Variants in EIF4G3 observed in about 807,000 individuals in gnomAD.
EIF4G3 encodes the protein eIF-4-gamma 3.
EIF4G3 carries 34 observed loss-of-function variants against 186.4 expected under a neutral mutation model. The ratio of observed to expected loss-of-function variants is 0.18; its 90% CI spans 0.14 to 0.24. EIF4G3 has a LOEUF of 0.24. Among genes scored for constraint, EIF4G3 ranks in the 10% least tolerant of loss-of-function variants. The pLI is 1.00. For missense variants in EIF4G3, 1,536 were observed against 1,948.5 expected, an observed-to-expected ratio of 0.79 and a Z score of 3.99; for synonymous variants, 673 against 679.5, an observed-to-expected ratio of 0.99 and a Z score of 0.15.
rs776075468 is a variant in EIF4G3, at chr1:20,942,345, A to G, written c.824-15T>C. ...TGGCTTCTCCTCTGGGGAAAAAAAAATAAGTTTTAAGAATAATTCTTGGAT... is the reference window on the plus strand; with the variant it reads ...TGGCTTCTCCTCTGGGGAAAAAAAAGTAAGTTTTAAGAATAATTCTTGGAT... On this transcript the variant is annotated splice_polypyrimidine_tract_variant and intron_variant, in intron 13 of 36. Coordinates refer to ENST00000602326, the MANE Select transcript of EIF4G3 (RefSeq NM_001391906.1). 8.5e-6 allele frequency: 13 copies of G among 1,537,270 alleles called. No individual in the cohort carries two copies. The highest frequency in any genetic ancestry group is 1.4e-5 in the African/African-American group (1 of 72,074).
chr1:21,093,091 T>C (rs1249665496), intron 2 of EIF4G3, among the ~76,000 whole-genome samples: 3 of 152,008 alleles, frequency 2.0e-5, no homozygotes, highest in Non-Finnish European at 4.4e-5. Context: ...AAAGACAAAA[T>C]TGACAAATGG....
intron 27 of EIF4G3, 112 bp from the exon 28 acceptor site, chr1:20,851,590 A>G (rs1475528043): frequency 1.1e-6 from 1 of 940,858 alleles, no homozygotes; most frequent in Non-Finnish European, 1.6e-6. Flanking sequence ...TTTTTCACAG[A>G]TAACATTAGA....
chr1:20,880,517 A>C (rs903931301), intron 19 of EIF4G3, among the ~76,000 whole-genome samples: 8 of 152,168 alleles, frequency 5.3e-5, no homozygotes, highest in African/African-American at 1.9e-4. Flanking sequence ...TGGGAGACCG[A>C]GGTTGGGTGG....
At chr1:20,882,047 T>C (rs1408144106) in intron 19 of EIF4G3, among the ~76,000 whole-genome samples, 3 of 151,826 alleles carry the variant, frequency 2.0e-5, no homozygotes, top group Admixed American at 1.3e-4. Context: ...CCTGTAGTCC[T>C]AGCTACTTGT....
chr1:20,867,012 A>G (rs2077705486), intron 20 of EIF4G3, among the ~76,000 whole-genome samples: 1 of 152,234 alleles, frequency 6.6e-6, no homozygotes, highest in Admixed American at 6.5e-5. Context: ...AGGACAACAA[A>G]CAATATGAAA....
intron 3 of EIF4G3, among the ~76,000 whole-genome samples, chr1:21,057,658 T>A (rs1395189577): frequency 6.6e-6 from 1 of 152,182 alleles, no homozygotes. Context: ...TGTACTTATA[T>A]GAACGTGTAT....
At chr1:21,163,606 G>A (rs2097800014) in intron 2 of EIF4G3, among the ~76,000 whole-genome samples, 1 of 152,184 alleles carries the variant, frequency 6.6e-6, no homozygotes, top group Non-Finnish European at 1.5e-5. Context: ...TTAAGCAACT[G>A]AAGAGTTTTT....
At chr1:20,855,305 A>G (rs2074555300) in intron 25 of EIF4G3, among the ~76,000 whole-genome samples, 1 of 152,204 alleles carries the variant, frequency 6.6e-6, no homozygotes, top group Non-Finnish European at 1.5e-5. Flanking sequence ...GGTCTAGAGA[A>G]TGCATCCAGG....
intron 36 of EIF4G3, among the ~76,000 whole-genome samples, chr1:20,808,803 T>C (rs905538865): frequency 6.6e-6 from 1 of 152,198 alleles, no homozygotes; most frequent in African/African-American, 2.4e-5. Context: ...ATCCGTGTGA[T>C]TTTAATTCTC....
intron 2 of EIF4G3, among the ~76,000 whole-genome samples, chr1:21,137,603 G>GT (rs1311311499): frequency 6.6e-6 from 1 of 152,046 alleles, no homozygotes; most frequent in Non-Finnish European, 1.5e-5. Flanking sequence ...GAGCCTTGGA[G>GT]TTTGAGACCA....
chr1:21,146,732 G>A (rs2097450044), intron 2 of EIF4G3, among the ~76,000 whole-genome samples: 1 of 151,878 alleles, frequency 6.6e-6, no homozygotes, highest in Non-Finnish European at 1.5e-5. Flanking sequence ...ACTCCCGCCT[G>A]GACAACAAGA....
Position 20,941,939 on chromosome 1 carries a change from C to T in EIF4G3, c.1215G>A (p.Leu405=), listed in dbSNP as rs571352014. 8.7e-6 allele frequency: 14 copies of T among 1,614,066 alleles called. No homozygotes were observed. In the East Asian group the frequency reaches 2.9e-4, roughly 33 times the overall value. Reference sequence around the variant, plus strand: ...CATTAATTAGGTTAGTACTAGAAACCAGTGGAATATCATTAGGTGCTACAC... The same window carrying T: ...CATTAATTAGGTTAGTACTAGAAACTAGTGGAATATCATTAGGTGCTACAC... ...PCSVAPNDIP[L]VSSTNLINEI... is the part of the protein sequence containing the mutation. Residue 405 remains leucine, a synonymous_variant, in exon 14 of 37, where the codon CTG becomes CTA. Transcript: ENST00000602326.
intron 3 of EIF4G3, among the ~76,000 whole-genome samples, chr1:21,058,283 C>G (rs1473076726): frequency 1.3e-5 from 2 of 152,194 alleles, no homozygotes; most frequent in Admixed American, 6.5e-5. Context: ...CAGAGGGCAG[C>G]AGATACTGAG....
intron 2 of EIF4G3, among the ~76,000 whole-genome samples, chr1:21,154,377 G>A (rs1343758184): frequency 1.3e-5 from 2 of 152,148 alleles, no homozygotes; most frequent in Non-Finnish European, 2.9e-5. Flanking sequence ...TGCAGATACA[G>A]TATCAATCAC....
intron 34 of EIF4G3, among the ~76,000 whole-genome samples, chr1:20,813,498 G>T (rs901594546): frequency 1.7e-4 from 26 of 151,688 alleles, no homozygotes; most frequent in Non-Finnish European, 7.4e-5. Flanking sequence ...GATCCCAAGG[G>T]TTTGAGGCTG....
chr1:20,960,519 A>T (rs1278510013), intron 12 of EIF4G3, among the ~76,000 whole-genome samples: 1 of 152,142 alleles, frequency 6.6e-6, no homozygotes, highest in African/African-American at 2.4e-5. Flanking sequence ...TGGGAGGCTG[A>T]GGCAGGATTA....
intron 4 of EIF4G3, among the ~76,000 whole-genome samples, chr1:21,039,884 T>C (rs1443312031): frequency 6.6e-6 from 1 of 152,098 alleles, no homozygotes; most frequent in Non-Finnish European, 1.5e-5. Flanking sequence ...AATAGACAAA[T>C]GGCCAATAAG....
intron 24 of EIF4G3, among the ~76,000 whole-genome samples, chr1:20,858,628 C>T (rs1197830826): frequency 6.6e-6 from 1 of 152,148 alleles, no homozygotes; most frequent in African/African-American, 2.4e-5. Context: ...TCTCCTCTCT[C>T]CCCTCTACCA....
At chr1:20,892,821 T>C in intron 18 of EIF4G3, 2 of 876,358 alleles carry the variant, frequency 2.3e-6, no homozygotes, top group Non-Finnish European at 3.5e-6. Flanking sequence ...ACAGGAATCT[T>C]ATCAAGGTTG....
Sources: gnomAD v4.1 joint callset for allele counts (sites outside exome capture counted in the v4.1 genomes callset) on GRCh38, gnomAD v4.1.1 for gene constraint, MANE v1.5 for transcripts, NCBI Gene and HGNC (gene_info 2026-07-23, HGNC 2026-07-21) for gene names.